Variants in GRID1 observed in about 807,000 individuals in gnomAD.
The protein encoded by GRID1 is glutamate receptor ionotropic, delta-1.
Under a neutral mutation model 98.0 loss-of-function variants are expected in GRID1, and 28 were observed. The observed-to-expected ratio is 0.29, with a 90% confidence interval of 0.21 to 0.39. The LOEUF (loss-of-function observed/expected upper bound fraction) is 0.39, where lower values mean the gene tolerates loss of function less well. Ranked by LOEUF, GRID1 falls within the 10% of genes least tolerant of loss-of-function variation. The probability of loss-of-function intolerance (pLI) is 1.00; values close to 1 mark genes in which losing one functional copy is unlikely to be tolerated. For missense variants in GRID1, 1,111 were observed against 1,340.5 expected (o/e 0.83, Z 2.67); for synonymous variants, 553 against 538.5 (o/e 1.03, Z -0.37).
intron 3 of GRID1, among the ~76,000 whole-genome samples, chr10:86,172,320 C>T (rs1485133911): frequency 6.6e-6 from 1 of 152,218 alleles, no homozygotes; most frequent in Non-Finnish European, 1.5e-5. Flanking sequence ...GCTACCCTAG[C>T]ACTCATCAGT....
chr10:85,800,171 A>T (rs910476815), intron 8 of GRID1, among the ~76,000 whole-genome samples: 1 of 149,898 alleles, frequency 6.7e-6, no homozygotes, highest in African/African-American at 2.5e-5. Flanking sequence ...AAAAAAAAAA[A>T]CTCTAAAACT....
intron 4 of GRID1, among the ~76,000 whole-genome samples, chr10:86,087,221 G>C (rs949515056): frequency 6.6e-6 from 1 of 151,998 alleles, no homozygotes; most frequent in Non-Finnish European, 1.5e-5. Context: ...AAGATGGATG[G>C]ATGTGTGTGT....
intron 8 of GRID1, among the ~76,000 whole-genome samples, chr10:85,844,159 A>G (rs764496656): frequency 1.3e-5 from 2 of 152,116 alleles, no homozygotes; most frequent in Non-Finnish European, 2.9e-5. Flanking sequence ...CTAGAGTTAG[A>G]AAAAGCCAAT....
At chr10:85,775,554 G>A (rs143480874) in intron 8 of GRID1, among the ~76,000 whole-genome samples, 6 of 152,156 alleles carry the variant, frequency 3.9e-5, no homozygotes, top group Non-Finnish European at 7.4e-5. Flanking sequence ...GGAGGGGAGA[G>A]TGGCAAGTGT....
chr10:85,735,743 C>A (rs529274424), intron 8 of GRID1, among the ~76,000 whole-genome samples: 4 of 150,826 alleles, frequency 2.7e-5, no homozygotes, highest in African/African-American at 9.8e-5. Flanking sequence ...CAAAATATAA[C>A]CAATTTCATA....
At chr10:86,020,590 T>G (rs1266818498) in intron 4 of GRID1, among the ~76,000 whole-genome samples, 1 of 152,258 alleles carries the variant, frequency 6.6e-6, no homozygotes, top group African/African-American at 2.4e-5. Flanking sequence ...TGGAGGTGAC[T>G]GTAGGTCAGA....
At chr10:85,628,147 A>G (rs1842933455) in intron 13 of GRID1, among the ~76,000 whole-genome samples, 1 of 151,646 alleles carries the variant, frequency 6.6e-6, no homozygotes, top group Admixed American at 6.6e-5. Flanking sequence ...ATTCAATAAT[A>G]CATGTTAGTG....
chr10:85,900,760 C>T (rs1432731377), intron 5 of GRID1, among the ~76,000 whole-genome samples: 2 of 152,172 alleles, frequency 1.3e-5, no homozygotes, highest in Admixed American at 6.5e-5. Flanking sequence ...GGGTGAGGGA[C>T]TCATCTTTCA....
At chr10:86,297,886 T>C (rs1259788736) in intron 2 of GRID1, among the ~76,000 whole-genome samples, 2 of 152,184 alleles carry the variant, frequency 1.3e-5, no homozygotes, top group Non-Finnish European at 2.9e-5. Context: ...ATCTATTAAA[T>C]AGCAGAAAAT....
At chr10:86,205,397 G>C (rs948769289) in intron 3 of GRID1, among the ~76,000 whole-genome samples, 55 of 152,296 alleles carry the variant, frequency 3.6e-4, no homozygotes, top group African/African-American at 1.2e-3. Flanking sequence ...CCTTGTGAAG[G>C]AACTGCTCTG....
chr10:86,289,424 A>G (rs1404171479), intron 2 of GRID1, among the ~76,000 whole-genome samples: 2 of 152,064 alleles, frequency 1.3e-5, no homozygotes, highest in East Asian at 3.9e-4. Context: ...TTGGTGATTC[A>G]GCACAGGCCA....
At chr10:85,759,654 A>C (rs552692041) in intron 8 of GRID1, among the ~76,000 whole-genome samples, 1 of 152,352 alleles carries the variant, frequency 6.6e-6, no homozygotes, top group East Asian at 1.9e-4. Flanking sequence ...TTGGAGAAAC[A>C]AATTAAGTGA....
Position 85,609,277 on chromosome 10 carries a change from C to A in GRID1, c.2601+4130G>T, listed in dbSNP as rs1842706984. Among the ~76,000 whole-genome samples the A allele has an allele frequency of 1.3e-5, 2 of 152,190 alleles. 1 individual carries two copies. The highest frequency in any genetic ancestry group is 4.1e-4 in the South Asian group (2 of 4,820). ...AAGATTGCTCAGCACAGGAAAGGAG[C>A]CCTAAGGTGTCACTTGTCTCTCCCA... On this transcript the variant is annotated intron_variant, in intron 15 of 15. Coordinates refer to ENST00000327946, the MANE Select transcript of GRID1 (RefSeq NM_017551.3).
At chr10:85,820,772 A>C (rs549191687) in intron 8 of GRID1, among the ~76,000 whole-genome samples, 3 of 152,326 alleles carry the variant, frequency 2.0e-5, no homozygotes, top group African/African-American at 7.2e-5. Flanking sequence ...TACTACACGG[A>C]GGCAAGGCTG....
intron 2 of GRID1, among the ~76,000 whole-genome samples, chr10:86,232,117 C>G (rs1220299289): frequency 6.6e-6 from 1 of 152,218 alleles, no homozygotes; most frequent in Non-Finnish European, 1.5e-5. Flanking sequence ...GCTTCCCTTT[C>G]CCTGTTTTCT....
chr10:86,298,252 T>C (rs1847623414), intron 2 of GRID1, among the ~76,000 whole-genome samples: 1 of 152,030 alleles, frequency 6.6e-6, no homozygotes, highest in Non-Finnish European at 1.5e-5. Flanking sequence ...CAGTGAAAAA[T>C]GTTTACAGTA....
intron 8 of GRID1, among the ~76,000 whole-genome samples, chr10:85,851,596 T>C (rs1304831712): frequency 6.6e-6 from 1 of 152,208 alleles, no homozygotes; most frequent in Non-Finnish European, 1.5e-5. Context: ...AGAAAATATC[T>C]TGCTACTTAA....
intron 12 of GRID1, among the ~76,000 whole-genome samples, chr10:85,679,795 G>T (rs1286560436): frequency 6.6e-6 from 1 of 152,176 alleles, no homozygotes; most frequent in East Asian, 1.9e-4. Context: ...ACCAACATCA[G>T]GACCCATGAC....
chr10:86,084,567 A>G (rs570199363), intron 4 of GRID1, among the ~76,000 whole-genome samples: 3 of 152,218 alleles, frequency 2.0e-5, no homozygotes, highest in Non-Finnish European at 4.4e-5. Context: ...CAGGGTCTCA[A>G]AGAGATACTT....
Sources: gnomAD v4.1 joint callset for allele counts (sites outside exome capture counted in the v4.1 genomes callset) on GRCh38, gnomAD v4.1.1 for gene constraint, MANE v1.5 for transcripts, NCBI Gene and HGNC (gene_info 2026-07-23, HGNC 2026-07-21) for gene names.